The following ZFAND3 variants were observed in gnomAD, a reference collection of about 807,000 sequenced individuals.
The protein encoded by ZFAND3 is AN1-type zinc finger protein 3.
A neutral mutation model predicts 29.6 loss-of-function variants in ZFAND3; 10 were observed. That is an observed-to-expected ratio of 0.34 (90% confidence interval 0.21 to 0.57). ZFAND3 has a LOEUF of 0.57. Ranked by LOEUF, ZFAND3 falls within the 20% of genes least tolerant of loss-of-function variation. The pLI is 0.86. For synonymous variants in ZFAND3, 128 were observed against 112.6 expected (o/e 1.14, Z -0.87); for missense variants, 230 against 304.5 (o/e 0.76, Z 1.82).
intron 1 of ZFAND3, among the ~76,000 whole-genome samples, chr6:37,872,661 G>A (rs531249965): frequency 2.0e-5 from 3 of 151,970 alleles, no homozygotes; most frequent in Non-Finnish European, 4.4e-5. Flanking sequence ...CTTTTTGTTT[G>A]GCTTTCATCT....
intron 2 of ZFAND3, among the ~76,000 whole-genome samples, chr6:37,984,211 A>G (rs1341757472): frequency 6.6e-6 from 1 of 152,242 alleles, no homozygotes; most frequent in Non-Finnish European, 1.5e-5. Flanking sequence ...TAATTGCAAG[A>G]TAGAGCATGA....
At chr6:38,135,449 AAATG>A (rs1191267570) in intron 5 of ZFAND3, among the ~76,000 whole-genome samples, 2 of 152,208 alleles carry the variant, frequency 1.3e-5, no homozygotes, top group African/African-American at 4.8e-5. Flanking sequence ...CTCAGTTAAG[AAATG>A]AACACGTGAG....
rs754345007 is a variant in ZFAND3 at position 38,045,834 on chromosome 6, A to G, written c.113-15759A>G. ...CACAGAAATCCATATATAAACATCT[A>G]TATAATCATTAAAGACAGTGCAGAT... is the stretch of plus-strand genomic sequence containing the variant. On this transcript the variant is annotated intron_variant, in intron 2 of 5. Transcript: ENST00000287218. Among the ~76,000 whole-genome samples, 91 of 152,372 alleles carry G rather than the reference A, an allele frequency of 6.0e-4. 1 individual carries two copies. The highest frequency in any genetic ancestry group is 3.4e-3 in the Middle Eastern group (1 of 294).
rs142168320 is a variant in ZFAND3, at chr6:38,027,823, A to G, written c.113-33770A>G. Among the ~76,000 whole-genome samples the G allele has an allele frequency of 4.8e-3, 735 of 152,338 alleles. 8 individuals are homozygous for G. The highest frequency in any genetic ancestry group is 0.015 in the African/African-American group (606 of 41,580). On this transcript the variant is annotated intron_variant, in intron 2 of 5. Transcript: ENST00000287218. ...AGCAGAATGTCTCAGGGAGCCTGCA[A>G]CTACAGTTTGGGTAGGAACACAACT...
At chr6:38,091,915 A>G (rs1404334524) in intron 4 of ZFAND3, among the ~76,000 whole-genome samples, 1 of 152,138 alleles carries the variant, frequency 6.6e-6, no homozygotes, top group Non-Finnish European at 1.5e-5. Context: ...TGGGGATGAC[A>G]CTGGGCAATG....
At chr6:38,074,914 A>T (rs760215256) in intron 3 of ZFAND3, among the ~76,000 whole-genome samples, 3 of 152,170 alleles carry the variant, frequency 2.0e-5, no homozygotes, top group Non-Finnish European at 4.4e-5. Flanking sequence ...CTGTAAATGG[A>T]ACAACAAAGC....
intron 2 of ZFAND3, among the ~76,000 whole-genome samples, chr6:37,974,402 CTT>C (rs10573359): frequency 0.22 from 6,644 of 29,800 alleles, 215 homozygotes; most frequent in Non-Finnish European, 0.3. Flanking sequence ...CTCTCTCTCT[CTT>C]TTTTTTTTTT....
At chr6:37,976,411 G>A (rs1272091738) in intron 2 of ZFAND3, among the ~76,000 whole-genome samples, 1 of 151,720 alleles carries the variant, frequency 6.6e-6, no homozygotes, top group Non-Finnish European at 1.5e-5. Context: ...GTGAAACCCT[G>A]TCTCTACCAA....
intron 2 of ZFAND3, among the ~76,000 whole-genome samples, chr6:38,029,897 AC>A (rs1763518928): frequency 6.6e-6 from 1 of 151,996 alleles, no homozygotes; most frequent in Non-Finnish European, 1.5e-5. Context: ...TAGAGCAAAT[AC>A]AAATAAGAAA....
chr6:37,892,656 A>G (rs756359199), intron 1 of ZFAND3, among the ~76,000 whole-genome samples: 2 of 152,222 alleles, frequency 1.3e-5, no homozygotes, highest in South Asian at 2.1e-4. Flanking sequence ...CAGTAAATCA[A>G]TGAAATCAAA....
chr6:37,851,596 A>C (rs926636284), intron 1 of ZFAND3, among the ~76,000 whole-genome samples: 1 of 152,184 alleles, frequency 6.6e-6, no homozygotes, highest in Non-Finnish European at 1.5e-5. Flanking sequence ...GAAGATCTCA[A>C]AGTGTTGTTG....
chr6:38,007,066 A>G (rs1763063445), intron 2 of ZFAND3, among the ~76,000 whole-genome samples: 1 of 152,206 alleles, frequency 6.6e-6, no homozygotes, highest in Non-Finnish European at 1.5e-5. Context: ...AAGAGTGAAG[A>G]GAAAGTGATG....
chr6:38,130,474 G>A (rs189783886), intron 5 of ZFAND3, among the ~76,000 whole-genome samples: 68 of 152,244 alleles, frequency 4.5e-4, no homozygotes, highest in African/African-American at 1.6e-3. Flanking sequence ...TTATTATATT[G>A]AGGTATATTC....
chr6:37,942,272 T>TA (rs200835145), intron 2 of ZFAND3, among the ~76,000 whole-genome samples: 9 of 132,998 alleles, frequency 6.8e-5, no homozygotes, highest in South Asian at 2.3e-4. Context: ...TATATATATA[T>TA]TTTTTTTTCT....
At chr6:38,095,155 A>G (rs1764951881) in intron 4 of ZFAND3, among the ~76,000 whole-genome samples, 1 of 152,218 alleles carries the variant, frequency 6.6e-6, no homozygotes, top group Non-Finnish European at 1.5e-5. Flanking sequence ...ATACATGCTA[A>G]GAATATATTT....
chr6:37,918,951 C>CTTGTTTTTTTTTTTTTTTTTTTTTT (rs1761318785), intron 1 of ZFAND3, among the ~76,000 whole-genome samples: 1 of 104,738 alleles, frequency 9.5e-6, no homozygotes, highest in African/African-American at 4.1e-5. Flanking sequence ...TGAAAAATGC[C>CTTGTTTTTTTTTTTTTTTTTTTTTT]TTTTTTTTTT....
At chr6:37,820,070 A>T (rs1581685388) in intron 1 of ZFAND3, 54 bp downstream of exon 1, 1 of 1,089,128 alleles carries the variant, frequency 9.2e-7, no homozygotes. Context: ...CGCAGACGCC[A>T]GGGCAGCCTG....
intron 1 of ZFAND3, among the ~76,000 whole-genome samples, chr6:37,895,459 C>CTTTGTT (rs1765183167): frequency 1.3e-5 from 1 of 76,772 alleles, no homozygotes; most frequent in African/African-American, 5.2e-5. Flanking sequence ...CTCAGAGGTT[C>CTTTGTT]TTTTTTTTTT....
chr6:38,127,994 A>T (rs1054241598), intron 5 of ZFAND3, among the ~76,000 whole-genome samples: 1 of 152,096 alleles, frequency 6.6e-6, no homozygotes, highest in African/African-American at 2.4e-5. Flanking sequence ...TTCCAAATTC[A>T]CCAGACTCTC....
Sources: allele counts gnomAD v4.1 joint callset (sites outside exome capture counted in the v4.1 genomes callset), GRCh38; gene constraint gnomAD v4.1.1; transcripts MANE v1.5; gene names NCBI Gene and HGNC (gene_info 2026-07-23, HGNC 2026-07-21).